Variants in CD70 observed in about 807,000 individuals in gnomAD.
CD70 encodes the protein CD70 molecule.
CD70 carries 6 observed loss-of-function variants against 9.0 expected under a neutral mutation model. The ratio of observed to expected loss-of-function variants is 0.67; its 90% CI spans 0.37 to 1.32. The LOEUF (loss-of-function observed/expected upper bound fraction) is 1.32, where lower values mean the gene tolerates loss of function less well. Ranked by LOEUF, CD70 falls within the 40% of genes most tolerant of loss-of-function variation. The pLI is 0.02. For synonymous variants in CD70, 108 were observed against 112.3 expected, an observed-to-expected ratio of 0.96 and a Z score of 0.24; for missense variants, 235 against 258.7, an observed-to-expected ratio of 0.91 and a Z score of 0.63.
chr19:6,582,605 C>T (rs931474861), downstream of CD70, among the ~76,000 whole-genome samples: 1 of 148,684 alleles, frequency 6.7e-6, no homozygotes, highest in East Asian at 2.0e-4. Context: ...TGAGTGAGAA[C>T]ATGCGGTGTT....
At chr19:6,583,551 G>GT, downstream of CD70, 5 of 405,594 alleles carry the variant, frequency 1.2e-5, no homozygotes, top group South Asian at 7.8e-5. Flanking sequence ...GTTAATTGTA[G>GT]TCTTTTTTTT....
chr19:6,589,394 TTTTA>T (rs994075431), intron 2 of CD70, among the ~76,000 whole-genome samples: 8 of 151,532 alleles, frequency 5.3e-5, no homozygotes, highest in African/African-American at 7.3e-5. Flanking sequence ...CCTTTCTTCT[TTTTA>T]TTTATTTATT....
intron 2 of CD70, among the ~76,000 whole-genome samples, chr19:6,589,244 GCTTT>G (rs1431801717): frequency 7.5e-5 from 5 of 66,254 alleles, no homozygotes; most frequent in South Asian, 6.1e-4. Context: ...CCTCTCTCTG[GCTTT>G]CTTTCTTTTC....
At position 6,590,990 on chromosome 19, in the gene CD70, C is replaced by A; in HGVS notation, c.13G>T (p.Gly5Cys). Residue 5 changes from glycine to cysteine, a missense_variant, in exon 1 of 3, where the codon GGT becomes TGT. Physicochemically the swap from Gly to Cys is radical, Grantham distance 159. Transcript: ENST00000245903. This position sits in a 1 kb window ranked among gnomAD's most constrained non-coding sequence, Gnocchi z 5.3. MPEE[G>C]SGCSVRRRPY... Reference sequence around the variant, plus strand: ...CTGCGCCGCACCGAGCAGCCCGAACCCTCCTCCGGCATCGCCGCGGCGATC... The same window carrying A: ...CTGCGCCGCACCGAGCAGCCCGAACACTCCTCCGGCATCGCCGCGGCGATC... 1 of 1,596,504 alleles carries A rather than the reference C, an allele frequency of 6.3e-7. No homozygotes were observed.
At chr19:6,587,744 C>T (rs1256701290) in intron 2 of CD70, among the ~76,000 whole-genome samples, 1 of 152,112 alleles carries the variant, frequency 6.6e-6, no homozygotes, top group Admixed American at 6.5e-5. Context: ...GGGTCTGGTC[C>T]TGTCACCCAG....
downstream of CD70, among the ~76,000 whole-genome samples, chr19:6,582,886 TGG>T (rs1915945944): frequency 6.6e-6 from 1 of 152,178 alleles, no homozygotes; most frequent in Non-Finnish European, 1.5e-5. Flanking sequence ...CTGATGTAAG[TGG>T]TGGGTTCCCA....
chr19:6,582,869 G>C (rs1288513361), downstream of CD70, among the ~76,000 whole-genome samples: 1 of 152,148 alleles, frequency 6.6e-6, no homozygotes, highest in African/African-American at 2.4e-5. Flanking sequence ...CTCACATCCA[G>C]GTCACGCTGA....
chr19:6,581,819 C>G (rs1017381109), downstream of CD70, among the ~76,000 whole-genome samples: 4 of 152,126 alleles, frequency 2.6e-5, no homozygotes, highest in Admixed American at 2.6e-4. Context: ...AGTCTTAACT[C>G]ATTTCAGCAT....
Position 6,590,593 on chromosome 19 carries a change from C to T in CD70, c.162+248G>A, listed in dbSNP as rs946908044. 3.9e-5 allele frequency among the ~76,000 whole-genome samples: 6 copies of T among 152,180 alleles called. No homozygotes were observed. The highest frequency in any genetic ancestry group is 7.4e-5 in the Non-Finnish European group (5 of 68,008). ...TCAGCCTGCCGGGGGAACACCAGAG[C>T]CGAGTCATCTTCCATTTCCATGTGT... is the stretch of plus-strand genomic sequence containing the variant. On this transcript the variant is annotated intron_variant, in intron 1 of 2. Coordinates refer to ENST00000245903, the MANE Select transcript of CD70 (RefSeq NM_001252.5). This position sits in a 1 kb window ranked among gnomAD's most constrained non-coding sequence, Gnocchi z 5.3.
chr19:6,583,664 G>T (rs7248446), downstream of CD70, among the ~76,000 whole-genome samples: 108,447 of 150,218 alleles, frequency 0.72, 40,827 homozygotes, highest in Non-Finnish European at 0.83. Flanking sequence ...GTTCAAGAGA[G>T]TCTCCTGTCT....
chr19:6,581,942 G>A (rs185517228), downstream of CD70, among the ~76,000 whole-genome samples: 23 of 151,774 alleles, frequency 1.5e-4, no homozygotes, highest in East Asian at 2.9e-3. Flanking sequence ...GGGTACAGGC[G>A]TTGGATATAC....
intron 2 of CD70, among the ~76,000 whole-genome samples, chr19:6,589,221 C>A (rs565816854): frequency 6.8e-6 from 1 of 147,738 alleles, no homozygotes; most frequent in Non-Finnish European, 1.5e-5. Context: ...CTCTGTTATT[C>A]TCCTTCTCTT....
intron 2 of CD70, among the ~76,000 whole-genome samples, chr19:6,589,267 A>C (rs1016331438): frequency 7.0e-4 from 57 of 81,562 alleles, no homozygotes; most frequent in Non-Finnish European, 8.3e-4. Context: ...TCTTTCTCTT[A>C]TTTCTTTTTT....
chr19:6,582,105 C>T (rs796970070), downstream of CD70, among the ~76,000 whole-genome samples: 109 of 151,624 alleles, frequency 7.2e-4, no homozygotes, highest in African/African-American at 2.0e-3. Flanking sequence ...TCTCGGCTCA[C>T]TGCAACCTCT....
rs570868658 is a variant in CD70, at chr19:6,589,815, TCTCC to T, written c.196+284_196+287del. Among the ~76,000 whole-genome samples, 8 of 135,466 alleles carry T rather than the reference TCTCC, an allele frequency of 5.9e-5. No homozygotes were observed. In the South Asian group the frequency reaches 2.2e-3, roughly 37 times the overall value. 88.9% of individuals were successfully genotyped at this position (135,466 alleles called of 152,430 possible). A position where few individuals can be genotyped will look rare whatever the true frequency, so the allele number is the denominator to read the frequency against. Reference sequence around the variant, plus strand: ...CTCCCTCTTCCACTCTCCCTGCGTCTCTCCCTGTTTCTTTCTTTCCCCTTCTTCT... The same window carrying T: ...CTCCCTCTTCCACTCTCCCTGCGTCTCTGTTTCTTTCTTTCCCCTTCTTCT... On this transcript the variant is annotated intron_variant, in intron 2 of 2. Transcript: ENST00000245903.
chr19:6,589,843 C>A (rs1379957166), intron 2 of CD70, among the ~76,000 whole-genome samples: 1 of 57,390 alleles, frequency 1.7e-5, no homozygotes, highest in Non-Finnish European at 4.2e-5. Flanking sequence ...TCCCCTTCTT[C>A]TCCTGTCCCG....
intron 2 of CD70, among the ~76,000 whole-genome samples, chr19:6,587,085 T>A (rs1322858107): frequency 2.3e-5 from 3 of 130,748 alleles, no homozygotes; most frequent in Non-Finnish European, 4.9e-5. Context: ...CGAGAGAGTG[T>A]GTGAGAGGAC....
downstream of CD70, among the ~76,000 whole-genome samples, chr19:6,582,297 A>C (rs571770295): frequency 2.2e-3 from 328 of 151,296 alleles, 2 homozygotes; most frequent in African/African-American, 7.5e-3. Context: ...CGGCCTCCCA[A>C]AGTGTTAGGA....
At position 6,590,093 on chromosome 19, in the gene CD70, C is replaced by T; in HGVS notation, c.196+10G>A. On this transcript the variant is annotated intron_variant, in intron 2 of 2. Transcript: ENST00000245903. The surrounding 1 kb of genome is among the most constrained non-coding windows in gnomAD (Gnocchi z 5.3). Reference sequence around the variant, plus strand: ...TTCTTCTCCCCGTCCCTCCACGTCCCCCGTGTTACCTGTGTGATTCAGCTG... The same window carrying T: ...TTCTTCTCCCCGTCCCTCCACGTCCTCCGTGTTACCTGTGTGATTCAGCTG... The T allele has an allele frequency of 6.2e-7, 1 of 1,612,334 alleles. No homozygotes were observed. Among genetic ancestry groups the T allele is most frequent in the East Asian group, 2.2e-5 (1 of 44,848 alleles).
Sources: gnomAD v4.1 joint callset for allele counts (sites outside exome capture counted in the v4.1 genomes callset) on GRCh38, gnomAD v4.1.1 for gene constraint, Gnocchi (gnomAD v3.1) non-coding constraint, MANE v1.5 for transcripts, NCBI Gene and HGNC (gene_info 2026-07-23, HGNC 2026-07-21) for gene names.